CHN2: variants seen among roughly 807,000 people sequenced by gnomAD.
CHN2 encodes the protein beta-chimaerin.
In CHN2, 35 loss-of-function variants were observed where a neutral mutation model predicts 56.3. That is an observed-to-expected ratio of 0.62 (90% CI 0.47 to 0.82). The LOEUF (loss-of-function observed/expected upper bound fraction) is 0.82, where lower values mean the gene tolerates loss of function less well. Ranked by LOEUF, CHN2 falls within the 40% of genes least tolerant of loss-of-function variation. The probability of loss-of-function intolerance (pLI) is 0.00; values close to 1 mark genes in which losing one functional copy is unlikely to be tolerated. For missense variants in CHN2, 491 were observed against 580.5 expected, an observed-to-expected ratio of 0.85 and a Z score of 1.58; for synonymous variants, 210 against 212.8, an observed-to-expected ratio of 0.99 and a Z score of 0.12.
intron 9 of CHN2, among the ~76,000 whole-genome samples, chr7:29,504,349 A>G (rs1170921683): frequency 6.6e-6 from 1 of 152,200 alleles, no homozygotes; most frequent in Non-Finnish European, 1.5e-5. Flanking sequence ...CCTACTGTGT[A>G]CCCACAAAAA....
At chr7:29,173,251 A>C (rs1796847115) in intron 2 of CHN2, among the ~76,000 whole-genome samples, 1 of 152,144 alleles carries the variant, frequency 6.6e-6, no homozygotes, top group Non-Finnish European at 1.5e-5. Flanking sequence ...GCAGGAACCC[A>C]GAGGAAAAAA....
intron 6 of CHN2, among the ~76,000 whole-genome samples, chr7:29,403,503 G>A (rs1245693239): frequency 3.9e-5 from 6 of 152,046 alleles, no homozygotes; most frequent in Admixed American, 1.3e-4. Flanking sequence ...CCAGAGAGAC[G>A]ATGTTACCTG....
In CHN2 at chr7:29,479,605, G is replaced by A. The variant is rs535080726; in HGVS notation, c.577-674G>A. On this transcript the variant is annotated intron_variant, in intron 6 of 12. Coordinates refer to ENST00000222792, the MANE Select transcript of CHN2 (RefSeq NM_004067.4). ...GATTAAACAGTCATCAGGGTTTAAA[G>A]GTTTAATCTGTTGGAGCTCAGCCCA... The A allele has an allele frequency of 4.3e-6, 4 of 928,570 alleles. No individual in the cohort carries two copies. The African/African-American group carries it at 5.3e-5, about 12-fold the overall frequency. The allele number at this position is 928,570 out of a possible 1,614,324, so 57.5% of individuals were successfully genotyped here.
At position 29,252,756 on chromosome 7, in the gene CHN2, C is replaced by T. The variant is rs575364508; in HGVS notation, c.49+57766C>T. Among the ~76,000 whole-genome samples the T allele has an allele frequency of 2.9e-4, 37 of 125,808 alleles. 2 individuals carry two copies. The highest frequency in any genetic ancestry group is 2.3e-3 in the Admixed American group (31 of 13,334). 82.5% of individuals were successfully genotyped at this position (125,808 alleles called of 152,430 possible). On this transcript the variant is annotated intron_variant, in intron 1 of 12. Coordinates refer to ENST00000222792, the MANE Select transcript of CHN2 (RefSeq NM_004067.4). ...GACTACAGGCGCCCGCCACCGCGCC[C>T]GGCTAATTTTTTGTATTTTTAGTAG...
intron 1 of CHN2, among the ~76,000 whole-genome samples, chr7:29,332,116 A>G (rs548346087): frequency 6.6e-6 from 1 of 152,300 alleles, no homozygotes; most frequent in Non-Finnish European, 1.5e-5. Flanking sequence ...ATATCCATCC[A>G]AAGGAGAAAA....
At chr7:29,165,810 C>A (rs1269429522) in intron 2 of CHN2, among the ~76,000 whole-genome samples, 1 of 152,046 alleles carries the variant, frequency 6.6e-6, no homozygotes, top group African/African-American at 2.4e-5. Flanking sequence ...TATGGTGTTT[C>A]TTTTTAAGTG....
At chr7:29,447,383 A>T (rs1326392444) in intron 6 of CHN2, among the ~76,000 whole-genome samples, 1 of 152,220 alleles carries the variant, frequency 6.6e-6, no homozygotes, top group Non-Finnish European at 1.5e-5. Flanking sequence ...GAGATTAAAG[A>T]CAGAAATAGA....
chr7:29,216,982 A>G (rs1299001678), intron 1 of CHN2, among the ~76,000 whole-genome samples: 2 of 152,206 alleles, frequency 1.3e-5, no homozygotes, highest in East Asian at 3.8e-4. Flanking sequence ...TCCCCAGTGT[A>G]CTAACAGTAC....
chr7:29,205,571 G>A (rs1562829449), intron 1 of CHN2, among the ~76,000 whole-genome samples: 2 of 152,134 alleles, frequency 1.3e-5, no homozygotes, highest in East Asian at 1.9e-4. Flanking sequence ...TTCCTGAGTG[G>A]TAAGTGACCA....
At chr7:29,347,649 A>T (rs1797561004) in intron 1 of CHN2, among the ~76,000 whole-genome samples, 1 of 152,166 alleles carries the variant, frequency 6.6e-6, no homozygotes, top group South Asian at 2.1e-4. Flanking sequence ...CTCCCTCAAC[A>T]CGTAAGGATT....
At chr7:29,304,472 A>G (rs1272409439) in intron 1 of CHN2, among the ~76,000 whole-genome samples, 1 of 152,266 alleles carries the variant, frequency 6.6e-6, no homozygotes, top group Non-Finnish European at 1.5e-5. Context: ...CAAGTGAACC[A>G]TAACTGTCCT....
At chr7:29,423,147 T>G (rs1481935801) in intron 6 of CHN2, among the ~76,000 whole-genome samples, 1 of 152,204 alleles carries the variant, frequency 6.6e-6, no homozygotes, top group Non-Finnish European at 1.5e-5. Flanking sequence ...TCATAGAATG[T>G]TAGCACCCAG....
chr7:29,427,901 C>T (rs1012980250), intron 6 of CHN2, among the ~76,000 whole-genome samples: 8 of 152,052 alleles, frequency 5.3e-5, no homozygotes, highest in Non-Finnish European at 8.8e-5. Context: ...ATGATCCACC[C>T]GCCTCAGCCT....
intron 9 of CHN2, among the ~76,000 whole-genome samples, chr7:29,502,458 A>G (rs1314255058): frequency 6.6e-6 from 1 of 152,192 alleles, no homozygotes; most frequent in African/African-American, 2.4e-5. Context: ...CATGGGCCAG[A>G]GTTTAATGGC....
intron 7 of CHN2, among the ~76,000 whole-genome samples, chr7:29,492,439 A>G (rs1788767310): frequency 6.6e-6 from 1 of 151,924 alleles, no homozygotes; most frequent in South Asian, 2.1e-4. Context: ...AAAGATCTCA[A>G]CTGTTCTTCT....
chr7:29,460,297 C>A (rs1029967475), intron 6 of CHN2, among the ~76,000 whole-genome samples: 5 of 152,136 alleles, frequency 3.3e-5, no homozygotes, highest in African/African-American at 9.7e-5. Flanking sequence ...AGGGCAAGGG[C>A]AAACCCATCA....
chr7:29,187,601 A>C (rs1240766438), intron 2 of CHN2, among the ~76,000 whole-genome samples: 1 of 151,856 alleles, frequency 6.6e-6, no homozygotes, highest in East Asian at 1.9e-4. Context: ...GTGTAATCCC[A>C]CCTGTAATCC....
At chr7:29,195,099 C>T (rs1423031247) in intron 1 of CHN2, 109 bp downstream of exon 1, 14 of 1,229,944 alleles carry the variant, frequency 1.1e-5, no homozygotes, top group East Asian at 2.9e-5. Context: ...CGCCCGCTCT[C>T]TCGGAATGGG....
intron 6 of CHN2, among the ~76,000 whole-genome samples, chr7:29,465,133 T>C (rs1356326573): frequency 6.6e-6 from 1 of 152,242 alleles, no homozygotes; most frequent in African/African-American, 2.4e-5. Context: ...TGCAACTTCA[T>C]GTTTATTCTG....
Sources: allele counts gnomAD v4.1 joint callset (sites outside exome capture counted in the v4.1 genomes callset), GRCh38; gene constraint gnomAD v4.1.1; transcripts MANE v1.5; gene names NCBI Gene and HGNC (gene_info 2026-07-23, HGNC 2026-07-21).